The following DNHD1 variants were observed in gnomAD, a reference collection of about 807,000 sequenced individuals.
The protein encoded by DNHD1 is dynein heavy chain domain-containing protein 1.
In DNHD1, 383 loss-of-function variants were observed where a neutral mutation model predicts 458.1. That is an observed-to-expected ratio of 0.84 (90% CI 0.77 to 0.91). The LOEUF (loss-of-function observed/expected upper bound fraction) is 0.91, where lower values mean the gene tolerates loss of function less well. Ranked by LOEUF, DNHD1 falls within the 40% of genes least tolerant of loss-of-function variation. The probability of loss-of-function intolerance (pLI) is 0.00; values close to 1 mark genes in which losing one functional copy is unlikely to be tolerated. For missense variants in DNHD1, 5,336 were observed against 5,866.1 expected, an observed-to-expected ratio of 0.91 and a Z score of 2.95; for synonymous variants, 2,203 against 2,376.9, an observed-to-expected ratio of 0.93 and a Z score of 2.13.
At chr11:6,552,258 T>C (rs1853370298) in intron 24 of DNHD1, among the ~76,000 whole-genome samples, 1 of 134,228 alleles carries the variant, frequency 7.5e-6, no homozygotes, top group Admixed American at 7.3e-5. Flanking sequence ...GCATGGTGGC[T>C]CACGCCTGTA....
rs939264994 is a variant in DNHD1, at chr11:6,551,811, T to G, written c.7387+2878T>G. Among the ~76,000 whole-genome samples the G allele has an allele frequency of 3.1e-4, 47 of 152,144 alleles. No homozygotes were observed. In the East Asian group the frequency reaches 3.3e-3, roughly 11 times the overall value. The stretch of plus-strand genomic sequence containing the variant: ...CAAAAATTAGCTGGGCATGGTGGCA[T>G]GTACCTGTAATCACAGCTACTCGGG... On this transcript the variant is annotated intron_variant, in intron 24 of 42. Transcript: ENST00000254579.
chr11:6,566,801 A>C (rs1853711657), intron 35 of DNHD1, 36 bp downstream of exon 35: 4 of 1,602,832 alleles, frequency 2.5e-6, no homozygotes, highest in Non-Finnish European at 3.4e-6. Context: ...TGAGATGAGC[A>C]TTGGATGGAC....
At position 6,509,271 on chromosome 11, in the gene DNHD1, A is replaced by T; in HGVS notation, c.1234A>T (p.Arg412Trp). The T allele has an allele frequency of 6.2e-7, 1 of 1,609,146 alleles. No homozygotes were observed. The highest frequency in any genetic ancestry group is 2.2e-5 in the East Asian group (1 of 44,872). The change falls in exon 6 of 43, where the codon AGG (arginine) becomes TGG (tryptophan). Residue 412 changes from arginine to tryptophan, a missense_variant and splice_region_variant. Arg to Trp is a moderately radical substitution (Grantham distance 101, BLOSUM62 -3). Around this residue, in one of 4 missense-constraint regions of DNHD1, gnomAD observed 3,932 missense variants for 4,365.6 expected, o/e 0.90. Transcript: ENST00000254579. The part of the protein sequence containing the change: ...HFGAGLLHIS[R>W]LLQELHSVSW... ...TGGAGCTGGGCTACTCCATATTAGC[A>T]GGTGAGGTATTAAAAACACAACTTC...
chr11:6,543,154 G>T (rs7103173), intron 18 of DNHD1, among the ~76,000 whole-genome samples: 33,310 of 152,184 alleles, frequency 0.22, 4,244 homozygotes, highest in Non-Finnish European at 0.28. Flanking sequence ...AGTAGAAGTT[G>T]TGTGACTCTG....
intron 8 of DNHD1, 44 bp downstream of exon 8, chr11:6,519,898 G>A: frequency 6.2e-7 from 1 of 1,612,900 alleles, no homozygotes; most frequent in Non-Finnish European, 8.5e-7. Context: ...GGCAGTCCAG[G>A]GCCAGATGCT....
In DNHD1 at chr11:6,546,742, C is replaced by G; in HGVS notation, c.5803C>G (p.Leu1935Val). The change falls in exon 21 of 43, where the codon CTT becomes GTT. Residue 1935 changes from leucine (L) to valine (V), a missense_variant. By Grantham distance (32) the Leu-to-Val change is conservative (BLOSUM62 1). Around this residue, in one of 4 missense-constraint regions of DNHD1, gnomAD observed 3,932 missense variants for 4,365.6 expected, o/e 0.90. Coordinates refer to ENST00000254579, the MANE Select transcript of DNHD1 (RefSeq NM_144666.3). ...LHNLRGLLCALFPSASQVLAE... is the reference protein window; with the variant it reads ...LHNLRGLLCAVFPSASQVLAE... ...CAACCTCCGAGGGCTGTTGTGTGCG[C>G]TTTTCCCTAGCGCCAGCCAAGTGCT... 1 of 1,551,796 alleles carries G rather than the reference C, an allele frequency of 6.4e-7. No homozygotes were observed. The highest frequency in any genetic ancestry group is 8.7e-7 in the Non-Finnish European group (1 of 1,147,008).
At position 6,546,093 on chromosome 11, in the gene DNHD1, G is replaced by C; in HGVS notation, c.5154G>C (p.Glu1718Asp). 6.4e-7 allele frequency: 1 copy of C among 1,551,572 alleles called. No homozygotes were observed. Among genetic ancestry groups the C allele is most frequent in the East Asian group, 2.4e-5 (1 of 40,894 alleles). Residue 1718 changes from glutamate (E) to aspartate (D), a missense_variant, in exon 21 of 43, where the codon GAG (glutamate) becomes GAC (aspartate). Glu to Asp is a conservative substitution (Grantham distance 45). This residue lies in a region of DNHD1 where 3,932 missense variants were observed against 4,365.6 expected (regional missense o/e 0.90). Coordinates refer to ENST00000254579, the MANE Select transcript of DNHD1 (RefSeq NM_144666.3). The part of the protein sequence containing the change: ...LVMLPCSPQI[E>D]AQCLSNYLNG... ...TGCTACCCTGCTCACCTCAGATAGA[G>C]GCTCAATGCCTGAGCAACTATCTGA...
chr11:6,556,840 T>G lies in DNHD1; in HGVS notation c.7545T>G (p.Cys2515Trp). 2 of 1,551,660 alleles carry G rather than the reference T, an allele frequency of 1.3e-6. No homozygotes were observed. The highest frequency in any genetic ancestry group is 1.2e-5 in the South Asian group (1 of 84,054). ...CAGGATACTGTGAGCGCCCACTGTGTCCACGCCTCTTTCGACTCTTCACAG... is the reference window on the plus strand; with the variant it reads ...CAGGATACTGTGAGCGCCCACTGTGGCCACGCCTCTTTCGACTCTTCACAG... ...TVPGYCERPL[C>W]PRLFRLFTVL... The change falls in exon 25 of 43, where the codon TGT (cysteine) becomes TGG (tryptophan). Residue 2515 changes from cysteine to tryptophan, a missense_variant. Transcript: ENST00000254579.
In DNHD1 at chr11:6,570,961, C is replaced by T. The variant is rs768477382; in HGVS notation, c.13449C>T (p.Gly4483=). The change falls in exon 42 of 43, where the codon GGC becomes GGT. Residue 4483 remains glycine (G), a synonymous_variant. Coordinates refer to ENST00000254579, the MANE Select transcript of DNHD1 (RefSeq NM_144666.3). Reference sequence around the variant, plus strand: ...CAAATGCACGGCGGCCTCTGGAGGGCGTCTTAGAGACCGAGGCTCTAGAAC... The same window carrying T: ...CAAATGCACGGCGGCCTCTGGAGGGTGTCTTAGAGACCGAGGCTCTAGAAC... The part of the protein sequence containing the change: ...LGPNARRPLE[G]VLETEALELS... The T allele has an allele frequency of 1.9e-6, 3 of 1,606,954 alleles. No individual in the cohort carries two copies. Among genetic ancestry groups the T allele is most frequent in the Middle Eastern group, 1.6e-4 (1 of 6,062 alleles).
chr11:6,534,219 C>G, intron 14 of DNHD1, 46 bp downstream of exon 14: 1 of 1,518,532 alleles, frequency 6.6e-7, no homozygotes, highest in Non-Finnish European at 8.9e-7. Flanking sequence ...GTGATAGACC[C>G]TTCAACTGAA....
At position 6,571,927 on chromosome 11, in the gene DNHD1, C is replaced by T. The variant is rs1589902807; in HGVS notation, c.14203C>T (p.Leu4735Phe). 1 of 1,613,974 alleles carries T rather than the reference C, an allele frequency of 6.2e-7. No homozygotes were observed. The highest frequency in any genetic ancestry group is 2.2e-5 in the East Asian group (1 of 44,882). Residue 4735 changes from leucine to phenylalanine, a missense_variant, in exon 43 of 43, where the codon CTC (leucine) becomes TTC (phenylalanine). Physicochemically the swap from Leu to Phe is conservative, Grantham distance 22. Transcript: ENST00000254579. The surrounding 1 kb of genome is among the most constrained non-coding windows in gnomAD (Gnocchi z 5.0). ...GATGCATCTGCCTTTACCCACCAAG[C>T]TCACCCCCAACACCTGTGTCCAAAG... ...IVMHLPLPTK[L>F]TPNTCVQRRV...
Position 6,511,440 on chromosome 11 carries a change from C to A in DNHD1, c.1392+11C>A, listed in dbSNP as rs199870516. ...TCCATTCTTCGACTGGTAAGAGGCT[C>A]TTAGTTTATTGTGGACCTCTTCCCC... On this transcript the variant is annotated intron_variant, in intron 7 of 42. Transcript: ENST00000254579. 24 of 1,613,094 alleles carry A rather than the reference C, an allele frequency of 1.5e-5. No individual in the cohort carries two copies. The highest frequency in any genetic ancestry group is 2.0e-5 in the Non-Finnish European group (23 of 1,179,444).
Position 6,547,320 on chromosome 11 carries a change from G to A in DNHD1, c.6381G>A (p.Glu2127=), listed in dbSNP as rs924053391. ...ARPPGTFLLM[E]VADTTGISPT... ...CCCCAGGCACCTTTCTCTTGATGGA[G>A]GTGGCTGACACAACAGGCATATCCC... is the stretch of plus-strand genomic sequence containing the variant. Residue 2127 remains glutamate (E), a synonymous_variant, in exon 21 of 43, where the codon GAG becomes GAA. Coordinates refer to ENST00000254579, the MANE Select transcript of DNHD1 (RefSeq NM_144666.3). 18 of 1,551,690 alleles carry A rather than the reference G, an allele frequency of 1.2e-5. No individual in the cohort carries two copies. Among genetic ancestry groups the A allele is most frequent in the Non-Finnish European group, 1.6e-5 (18 of 1,147,014 alleles).
chr11:6,501,514 C>T lies in DNHD1; in HGVS notation c.747-1239C>T, dbSNP rs141938914. On this transcript the variant is annotated intron_variant, in intron 3 of 42. Coordinates refer to ENST00000254579, the MANE Select transcript of DNHD1 (RefSeq NM_144666.3). Reference sequence around the variant, plus strand: ...GAAAGGATACCTCTTCCTCTGAAATCGGGGGACAGATAAGTGTGTGGGGGA... The same window carrying T: ...GAAAGGATACCTCTTCCTCTGAAATTGGGGGACAGATAAGTGTGTGGGGGA... Among the ~76,000 whole-genome samples the T allele has an allele frequency of 8.6e-4, 131 of 151,956 alleles. 1 individual carries two copies. The highest frequency in any genetic ancestry group is 3.4e-3 in the Middle Eastern group (1 of 294).
Position 6,509,190 on chromosome 11 carries a change from C to T in DNHD1, c.1153C>T (p.Leu385=), listed in dbSNP as rs1852287964. 6.2e-7 allele frequency: 1 copy of T among 1,614,100 alleles called. No homozygotes were observed. The highest frequency in any genetic ancestry group is 8.5e-7 in the Non-Finnish European group (1 of 1,180,034). Residue 385 remains leucine (L), a synonymous_variant, in exon 6 of 43, where the codon CTG becomes TTG. Coordinates refer to ENST00000254579, the MANE Select transcript of DNHD1 (RefSeq NM_144666.3). ...GAAGAAGAATGTGAGATTACAGGGG[C>T]TGCATCGACTCCAGAAATTCCTAGA... ...CWKKNVRLQG[L]HRLQKFLENH...
chr11:6,533,632 A>G, intron 13 of DNHD1, 49 bp from the exon 14 acceptor site: 1 of 1,502,914 alleles, frequency 6.7e-7, no homozygotes, highest in Middle Eastern at 1.8e-4. Flanking sequence ...GGGACCAAAG[A>G]GGTACATGGG....
At chr11:6,564,258 C>T (rs761043381) in intron 31 of DNHD1, 75 bp from the exon 32 acceptor site, 43 of 1,457,634 alleles carry the variant, frequency 2.9e-5, no homozygotes, top group Non-Finnish European at 3.7e-5. Flanking sequence ...CCCCACCTTG[C>T]CCTCCCTCTG....
Position 6,538,607 on chromosome 11 carries a change from T to C in DNHD1, c.3127-5T>C. On this transcript the variant is annotated splice_polypyrimidine_tract_variant and splice_region_variant and intron_variant, in intron 15 of 42. Coordinates refer to ENST00000254579, the MANE Select transcript of DNHD1 (RefSeq NM_144666.3). Reference sequence around the variant, plus strand: ...CAAGCTGACAGTGAGCCCTTCTCCCTGCAGTTCAGCCCAGCTATGGCCCAG... The same window carrying C: ...CAAGCTGACAGTGAGCCCTTCTCCCCGCAGTTCAGCCCAGCTATGGCCCAG... 1 of 1,546,950 alleles carries C rather than the reference T, an allele frequency of 6.5e-7. No individual in the cohort carries two copies.
At chr11:6,560,624 C>T (rs887951523) in intron 28 of DNHD1, among the ~76,000 whole-genome samples, 3 of 152,136 alleles carry the variant, frequency 2.0e-5, no homozygotes, top group Non-Finnish European at 4.4e-5. Context: ...GAGCAGAACA[C>T]AGTAAGCCAA....
Sources: allele counts gnomAD v4.1 joint callset (sites outside exome capture counted in the v4.1 genomes callset), GRCh38; gene constraint gnomAD v4.1.1; regional missense constraint gnomAD v4.1.1; non-coding constraint Gnocchi (gnomAD v3.1); transcripts MANE v1.5; gene names NCBI Gene and HGNC (gene_info 2026-07-23, HGNC 2026-07-21).